Variants in SEZ6 observed in about 807,000 individuals in gnomAD.
SEZ6 encodes seizure related 6 homolog, also known as seizure protein 6 homolog.
SEZ6 carries 53 observed loss-of-function variants against 101.0 expected under a neutral mutation model. That is an observed-to-expected ratio of 0.52 (90% confidence interval 0.42 to 0.66). The LOEUF is 0.66. Among genes scored for constraint, SEZ6 ranks in the 30% least tolerant of loss-of-function variants. The probability of loss-of-function intolerance (pLI) is 0.00; values close to 1 mark genes in which losing one functional copy is unlikely to be tolerated. For synonymous variants in SEZ6, 488 were observed against 512.2 expected (o/e 0.95, Z 0.64); for missense variants, 1,102 against 1,289.4 (o/e 0.85, Z 2.23).
At chr17:28,976,424 A>T (rs2041221369) in intron 3 of SEZ6, among the ~76,000 whole-genome samples, 1 of 152,180 alleles carries the variant, frequency 6.6e-6, no homozygotes, top group African/African-American at 2.4e-5. Flanking sequence ...TCCCTAAGAC[A>T]GTCCTCTCCT....
At chr17:28,990,316 T>G (rs2041439471) in intron 1 of SEZ6, among the ~76,000 whole-genome samples, 1 of 152,134 alleles carries the variant, frequency 6.6e-6, no homozygotes, top group Non-Finnish European at 1.5e-5. Flanking sequence ...CAGACTGGAG[T>G]GCAGTGGCAT....
At chr17:29,003,263 C>G (rs1183094936) in intron 1 of SEZ6, among the ~76,000 whole-genome samples, 2 of 152,262 alleles carry the variant, frequency 1.3e-5, no homozygotes, top group Admixed American at 6.5e-5. Flanking sequence ...GGCCCAGGCA[C>G]CCCACACAGC....
chr17:28,966,418 G>A (rs1409062392), intron 4 of SEZ6, among the ~76,000 whole-genome samples: 1 of 152,134 alleles, frequency 6.6e-6, no homozygotes, highest in Non-Finnish European at 1.5e-5. Flanking sequence ...GGGAGGCAGA[G>A]GTTGCAGTGA....
At chr17:28,998,566 T>C (rs565794978) in intron 1 of SEZ6, among the ~76,000 whole-genome samples, 1 of 152,178 alleles carries the variant, frequency 6.6e-6, no homozygotes, top group South Asian at 2.1e-4. Context: ...TTTTTCCAGC[T>C]CTTTAATGGA....
At position 28,981,692 on chromosome 17, in the gene SEZ6, A is replaced by G. The variant is rs1210613239; in HGVS notation, c.403T>C (p.Ser135Pro). 10 of 1,583,852 alleles carry G rather than the reference A, an allele frequency of 6.3e-6. No homozygotes were observed. The East Asian group carries it at 2.3e-4, about 36-fold the overall frequency. ...AMAAVPTQPQ[S>P]KEGPWSPESE... ...TCCGGACTCCAGGGTCCCTCCTTGG[A>G]CTGGGGCTGAGTGGGTACCGCAGCC... Residue 135 changes from serine (S) to proline (P), a missense_variant, in exon 2 of 17, where the codon TCC becomes CCC. By Grantham distance (74) the Ser-to-Pro change is moderately conservative. Transcript: ENST00000317338.
At chr17:28,996,720 C>T (rs556523020) in intron 1 of SEZ6, among the ~76,000 whole-genome samples, 1 of 152,284 alleles carries the variant, frequency 6.6e-6, no homozygotes, top group East Asian at 1.9e-4. Flanking sequence ...GGCAGAAATG[C>T]ACGTAGACAT....
chr17:28,964,032 C>A lies in SEZ6; in HGVS notation c.1170G>T (p.Lys390Asn). Reference sequence around the variant, plus strand: ...TGAGACAGGTGAGATGCCTGGCGCCCTTCAGCTGGTAGCCAGTGGCACAAT... The same window carrying A: ...TGAGACAGGTGAGATGCCTGGCGCCATTCAGCTGGTAGCCAGTGGCACAAT... ...RFHCATGYQL[K>N]GARHLTCLNA... Residue 390 changes from lysine (K) to asparagine (N), a missense_variant, in exon 5 of 17, where the codon AAG becomes AAT. Coordinates refer to ENST00000317338, the MANE Select transcript of SEZ6 (RefSeq NM_178860.5). 1 of 1,611,424 alleles carries A rather than the reference C, an allele frequency of 6.2e-7. No homozygotes were observed. The highest frequency in any genetic ancestry group is 8.5e-7 in the Non-Finnish European group (1 of 1,178,856).
chr17:28,971,422 G>A (rs1343507671), intron 3 of SEZ6, among the ~76,000 whole-genome samples: 1 of 151,874 alleles, frequency 6.6e-6, no homozygotes, highest in Non-Finnish European at 1.5e-5. Context: ...GAGAAACCCC[G>A]TCTCTACTAA....
At chr17:29,001,232 C>G (rs957136974) in intron 1 of SEZ6, among the ~76,000 whole-genome samples, 1 of 152,218 alleles carries the variant, frequency 6.6e-6, no homozygotes, top group Non-Finnish European at 1.5e-5. Flanking sequence ...CCTCCCCTTT[C>G]TAACCAAGCA....
In SEZ6 at chr17:28,960,949, T is replaced by C. The variant is rs367847200; in HGVS notation, c.1265A>G (p.Asn422Ser). The change falls in exon 6 of 17, where the codon AAT becomes AGT. Residue 422 changes from asparagine to serine, a missense_variant. By Grantham distance (46) the Asn-to-Ser change is conservative. Coordinates refer to ENST00000317338, the MANE Select transcript of SEZ6 (RefSeq NM_178860.5). ...AGAGACGATGCGGCCGGTGGTGGCA[T>C]TGCGGATCACTCCGCCGCAAGCAGC... ...CIAACGGVIRNATTGRIVSPG... is the reference protein window; with the variant it reads ...CIAACGGVIRSATTGRIVSPG... 10 of 1,613,546 alleles carry C rather than the reference T, an allele frequency of 6.2e-6. No homozygotes were observed. In the African/African-American group the frequency reaches 1.3e-4, roughly 22 times the overall value.
Position 28,956,634 on chromosome 17 carries a change from C to T in SEZ6, c.2731+85G>A, listed in dbSNP as rs931970352. 5 of 1,535,748 alleles carry T rather than the reference C, an allele frequency of 3.3e-6. No homozygotes were observed. The African/African-American group carries it at 6.9e-5, about 21-fold the overall frequency. On this transcript the variant is annotated intron_variant, in intron 14 of 16. Coordinates refer to ENST00000317338, the MANE Select transcript of SEZ6 (RefSeq NM_178860.5). ...CCAAACCTCTCTCTTTCTCTGCCCTCCCTCCTTGGGAAGCCCATGACCTGG... is the reference window on the plus strand; with the variant it reads ...CCAAACCTCTCTCTTTCTCTGCCCTTCCTCCTTGGGAAGCCCATGACCTGG...
chr17:28,956,021 G>A (rs752842551), intron 16 of SEZ6, 27 bp from the exon 17 acceptor site: 2 of 1,611,666 alleles, frequency 1.2e-6, no homozygotes, highest in South Asian at 2.2e-5. Context: ...ACTTGTATTA[G>A]GTTTGCCAGG....
chr17:28,957,297 C>T, intron 12 of SEZ6, 51 bp downstream of exon 12: 1 of 1,610,832 alleles, frequency 6.2e-7, no homozygotes, highest in Non-Finnish European at 8.5e-7. Context: ...TCCAGGGCAG[C>T]ATCTTTTATC....
Position 28,960,816 on chromosome 17 carries a change from C to T in SEZ6, c.1398G>A (p.Glu466=), listed in dbSNP as rs1338589797. The change falls in exon 6 of 17, where the codon GAG becomes GAA. Residue 466 remains glutamate (E), a synonymous_variant. Transcript: ENST00000317338. ...HLHFEKVSLA[E]DDDRLIIRNG... is the part of the protein sequence containing the mutation. ...GGACAGCCCCTCACCTGTCATCATC[C>T]TCTGCCAGGGAAACCTTCTCAAAGT... 1.2e-6 allele frequency: 2 copies of T among 1,613,892 alleles called. No individual in the cohort carries two copies. Among genetic ancestry groups the T allele is most frequent in the Non-Finnish European group, 1.7e-6 (2 of 1,179,836 alleles).
At chr17:29,000,216 A>G (rs1377307524) in intron 1 of SEZ6, among the ~76,000 whole-genome samples, 2 of 152,234 alleles carry the variant, frequency 1.3e-5, no homozygotes, top group African/African-American at 4.8e-5. Context: ...TTCTGCCTGT[A>G]GTGAAGCTCT....
intron 3 of SEZ6, among the ~76,000 whole-genome samples, chr17:28,977,117 G>T (rs2041231675): frequency 6.6e-6 from 1 of 152,226 alleles, no homozygotes; most frequent in Admixed American, 6.5e-5. Context: ...CTGACTTTTG[G>T]CAAGTCCCTT....
Position 28,981,355 on chromosome 17 carries a change from C to A in SEZ6, c.724+16G>T. The A allele has an allele frequency of 1.3e-6, 2 of 1,531,972 alleles. No individual in the cohort carries two copies. The highest frequency in any genetic ancestry group is 2.4e-5 in the South Asian group (2 of 81,918). 94.9% of individuals were successfully genotyped at this position (1,531,972 alleles called of 1,614,324 possible). ...CCATCCCCATTTCCACATCTGCAAGCCAGCAGGTAGCTGACCTGGTGTCTG... is the reference window on the plus strand; with the variant it reads ...CCATCCCCATTTCCACATCTGCAAGACAGCAGGTAGCTGACCTGGTGTCTG... On this transcript the variant is annotated intron_variant, in intron 2 of 16. Coordinates refer to ENST00000317338, the MANE Select transcript of SEZ6 (RefSeq NM_178860.5).
Position 28,959,398 on chromosome 17 carries a change from C to A in SEZ6, c.1846G>T (p.Gly616Trp), listed in dbSNP as rs781374143. ...TGCACACCCCAGATACAATCCTGCC[C>A]ACGACCGTAGGGCTCTGGCCAGTTG... Reference protein sequence around the residue: ...SPNWPEPYGRGQDCIWGVHVE... With the variant: ...SPNWPEPYGRWQDCIWGVHVE... The change falls in exon 9 of 17, where the codon GGG (glycine) becomes TGG (tryptophan). Residue 616 changes from glycine (G) to tryptophan (W), a missense_variant. Around this residue, in one of 3 missense-constraint regions of SEZ6, gnomAD observed 556 missense variants for 735.1 expected, o/e 0.76. Coordinates refer to ENST00000317338, the MANE Select transcript of SEZ6 (RefSeq NM_178860.5). The surrounding 1 kb of genome is among the most constrained non-coding windows in gnomAD (Gnocchi z 4.4). 4.3e-6 allele frequency: 7 copies of A among 1,613,962 alleles called. No individual in the cohort carries two copies. The South Asian group carries it at 7.7e-5, about 18-fold the overall frequency.
In SEZ6 at chr17:28,968,372, C is replaced by T. The variant is rs868572508; in HGVS notation, c.1054+1385G>A. On this transcript the variant is annotated intron_variant, in intron 4 of 16. Transcript: ENST00000317338. ...AGCCCTTCCTTGGAGGTTGCTCCCC[C>T]TTGCTGGGCCTCCAGCTCACTGCCA... Among the ~76,000 whole-genome samples, 5 of 152,250 alleles carry T rather than the reference C, an allele frequency of 3.3e-5. 1 individual carries two copies. The highest frequency in any genetic ancestry group is 4.8e-5 in the African/African-American group (2 of 41,474).
Sources: gnomAD v4.1 joint callset for allele counts (sites outside exome capture counted in the v4.1 genomes callset) on GRCh38, gnomAD v4.1.1 for gene constraint, gnomAD v4.1.1 regional missense constraint, Gnocchi (gnomAD v3.1) non-coding constraint, MANE v1.5 for transcripts, NCBI Gene and HGNC (gene_info 2026-07-23, HGNC 2026-07-21) for gene names.